The following MAGED1 variants were observed in gnomAD, a reference collection of about 807,000 sequenced individuals.
MAGED1 encodes melanoma-associated antigen D1.
MAGED1 carries 3 observed loss-of-function variants against 54.1 expected under a neutral mutation model. That is an observed-to-expected ratio of 0.06 (90% CI 0.03 to 0.14). MAGED1 has a LOEUF of 0.14. Among genes scored for constraint, MAGED1 ranks in the 10% least tolerant of loss-of-function variants. The pLI is 1.00. For missense variants in MAGED1, 485 were observed against 623.4 expected (o/e 0.78, Z 2.36); for synonymous variants, 217 against 227.3 (o/e 0.95, Z 0.41).
chrX:51,809,127 T>A (rs968325025), intron 1 of MAGED1, among the ~76,000 whole-genome samples: 22 of 110,923 alleles, frequency 2.0e-4, no homozygotes, highest in South Asian at 3.8e-4. Context: ...ATTTTATTTT[T>A]TTTTTGAGAC....
chrX:51,881,520 A>G, intron 1 of MAGED1, among the ~76,000 whole-genome samples: 1 of 109,535 alleles, frequency 9.1e-6, no homozygotes, highest in Admixed American at 9.7e-5. Context: ...GGTAGAAGCG[A>G]TATTCCTGCC....
At chrX:51,898,447 A>C in intron 9 of MAGED1, 120 bp downstream of exon 9, 1 of 1,000,474 alleles carries the variant, frequency 1.0e-6, no homozygotes, top group Non-Finnish European at 1.4e-6. Context: ...TTCAGAGCCC[A>C]AAGATGTGAC....
At chrX:51,856,902 A>T (rs1200719956) in intron 1 of MAGED1, 2 of 111,747 alleles carry the variant, frequency 1.8e-5, no homozygotes, top group African/African-American at 6.5e-5. Flanking sequence ...ATATATGGGA[A>T]TCTTCTAGGA....
At chrX:51,856,617 CT>C (rs1927094297) in intron 1 of MAGED1, among the ~76,000 whole-genome samples, 1 of 111,909 alleles carries the variant, frequency 8.9e-6, no homozygotes, top group Non-Finnish European at 1.9e-5. Context: ...AGAGTGAGTT[CT>C]ACTCTAAAGA....
intron 1 of MAGED1, among the ~76,000 whole-genome samples, chrX:51,844,183 T>G (rs1345838211): frequency 9.0e-6 from 1 of 111,626 alleles, no homozygotes; most frequent in Non-Finnish European, 1.9e-5. Flanking sequence ...CCAAATTGTT[T>G]CTATGGTAAG....
At chrX:51,812,871 C>T (rs1240469596) in intron 1 of MAGED1, among the ~76,000 whole-genome samples, 2 of 109,908 alleles carry the variant, frequency 1.8e-5, no homozygotes, top group Non-Finnish European at 3.8e-5. Flanking sequence ...AAATTCCCAC[C>T]AGGAATGTAT....
intron 1 of MAGED1, among the ~76,000 whole-genome samples, chrX:51,842,773 C>G (rs1232593238): frequency 3.6e-5 from 4 of 111,097 alleles, no homozygotes; most frequent in Non-Finnish European, 5.7e-5. Flanking sequence ...GCATCCTCCA[C>G]CTCCGAGGCT....
chrX:51,825,270 ACT>A (rs1352865440), intron 1 of MAGED1, among the ~76,000 whole-genome samples: 1 of 110,826 alleles, frequency 9.0e-6, no homozygotes, highest in Non-Finnish European at 1.9e-5. Context: ...GGTGATGGCT[ACT>A]CAGCAGCACA....
At chrX:51,825,791 T>C (rs957720042) in intron 1 of MAGED1, among the ~76,000 whole-genome samples, 3 of 112,137 alleles carry the variant, frequency 2.7e-5, no homozygotes, top group Non-Finnish European at 3.8e-5. Flanking sequence ...CTATATTCCC[T>C]AGAAAATATC....
intron 1 of MAGED1, among the ~76,000 whole-genome samples, chrX:51,821,848 G>A (rs1925649525): frequency 8.9e-6 from 1 of 111,996 alleles, no homozygotes; most frequent in African/African-American, 3.2e-5. Flanking sequence ...AGATGGTCAT[G>A]TGGTTTTCAT....
intron 1 of MAGED1, among the ~76,000 whole-genome samples, chrX:51,805,523 G>T (rs1327399455): frequency 2.7e-5 from 3 of 110,354 alleles, no homozygotes; most frequent in Non-Finnish European, 5.7e-5. Flanking sequence ...TCCGGGTATA[G>T]AAATTTTATT....
At chrX:51,853,471 G>A (rs1557359940) in intron 1 of MAGED1, among the ~76,000 whole-genome samples, 1 of 112,109 alleles carries the variant, frequency 8.9e-6, no homozygotes, top group Non-Finnish European at 1.9e-5. Context: ...GTAGCCCTTT[G>A]AGGTCCCAGC....
chrX:51,874,786 C>T (rs1177466923), intron 1 of MAGED1, among the ~76,000 whole-genome samples: 5 of 109,991 alleles, frequency 4.5e-5, no homozygotes, highest in African/African-American at 1.7e-4. Context: ...TGATTTTTCT[C>T]CTCAAGATGG....
intron 11 of MAGED1, among the ~76,000 whole-genome samples, chrX:51,900,992 A>G (rs1386751185): frequency 8.9e-6 from 1 of 112,291 alleles, no homozygotes; most frequent in African/African-American, 3.2e-5. Flanking sequence ...GTACAGTATG[A>G]TGTTTTGATA....
At chrX:51,828,380 A>C (rs1557357111) in intron 1 of MAGED1, among the ~76,000 whole-genome samples, 1 of 111,713 alleles carries the variant, frequency 9.0e-6, no homozygotes, top group Non-Finnish European at 1.9e-5. Flanking sequence ...TAGATTGATT[A>C]AGAAAAATAA....
intron 1 of MAGED1, among the ~76,000 whole-genome samples, chrX:51,826,638 T>C (rs1925861870): frequency 8.9e-6 from 1 of 112,213 alleles, no homozygotes; most frequent in Non-Finnish European, 1.9e-5. Flanking sequence ...GCAAAGATGC[T>C]CAACAGCATA....
chrX:51,851,047 C>T (rs931013561), intron 1 of MAGED1, among the ~76,000 whole-genome samples: 5 of 110,871 alleles, frequency 4.5e-5, no homozygotes, highest in African/African-American at 1.6e-4. Context: ...TTTATCACAC[C>T]CCAAGCAGTT....
intron 1 of MAGED1, among the ~76,000 whole-genome samples, chrX:51,841,261 C>T (rs377383390): frequency 2.2e-3 from 243 of 110,592 alleles, no homozygotes; most frequent in Middle Eastern, 4.6e-3. Context: ...TCATATCCTT[C>T]GCCCACTTTT....
intron 1 of MAGED1, among the ~76,000 whole-genome samples, chrX:51,853,605 C>G (rs961432830): frequency 1.8e-5 from 2 of 112,448 alleles, no homozygotes; most frequent in African/African-American, 6.5e-5. Context: ...TAGACAAATG[C>G]CCTTAGGACA....
Sources: gnomAD v4.1 joint callset for allele counts (sites outside exome capture counted in the v4.1 genomes callset) on GRCh38, gnomAD v4.1.1 for gene constraint, MANE v1.5 for transcripts, NCBI Gene and HGNC (gene_info 2026-07-23, HGNC 2026-07-21) for gene names.